DHODH: variants seen among roughly 807,000 people sequenced by gnomAD.
DHODH encodes dihydroorotate dehydrogenase (quinone).
DHODH carries 30 observed loss-of-function variants against 39.7 expected under a neutral mutation model. The ratio of observed to expected loss-of-function variants is 0.76; its 90% CI spans 0.57 to 1.02. DHODH has a LOEUF of 1.02. Among genes scored for constraint, DHODH ranks in the 50% least tolerant of loss-of-function variants. The pLI is 0.00. For missense variants in DHODH, 531 were observed against 520.8 expected, an observed-to-expected ratio of 1.02 and a Z score of -0.19; for synonymous variants, 222 against 213.8, an observed-to-expected ratio of 1.04 and a Z score of -0.34.
intron 3 of DHODH, chr16:72,016,580 G>A (rs1288254722): frequency 6.3e-5 from 18 of 284,230 alleles, no homozygotes; most frequent in Non-Finnish European, 1.2e-4. Flanking sequence ...CTTTGCAGCT[G>A]CGAGCTCTGT....
intron 1 of DHODH, among the ~76,000 whole-genome samples, chr16:72,010,922 C>G (rs1229961713): frequency 6.6e-6 from 1 of 152,028 alleles, no homozygotes; most frequent in Non-Finnish European, 1.5e-5. Flanking sequence ...GACGGGGTCT[C>G]ACTATGTTCC....
At chr16:72,014,344 G>C in intron 2 of DHODH, 129 bp from the exon 3 acceptor site, 1 of 871,126 alleles carries the variant, frequency 1.1e-6, no homozygotes. Context: ...TTGACCTTGG[G>C]GGTGGGCCCT....
intron 3 of DHODH, chr16:72,015,921 A>G (rs1005716891): frequency 2.1e-6 from 2 of 969,978 alleles, no homozygotes; most frequent in Non-Finnish European, 1.2e-6. Flanking sequence ...TATGTGTGCC[A>G]GTGTGTCTGT....
rs2041281572 is a variant in DHODH, at chr16:72,026,982, TGTGTGTGTGTGTGTGTGTGTGTG to T, written c.*2784_*2806del. On this transcript the variant is annotated 3_prime_UTR_variant, in exon 9 of 9. Transcript: ENST00000219240. ...ATTTGTGTGTGTGTGTGTGTGTGTG[TGTGTGTGTGTGTGTGTGTGTGTG>T]TGTGTTTTTGAGATGGAGTCCTGCT... 2 of 148,022 alleles carry T rather than the reference TGTGTGTGTGTGTGTGTGTGTGTG, an allele frequency of 1.4e-5. No individual in the cohort carries two copies. Among genetic ancestry groups the T allele is most frequent in the South Asian group, 2.2e-4 (1 of 4,540 alleles). 9.2% of individuals were successfully genotyped at this position (148,022 alleles called of 1,614,324 possible).
chr16:72,015,997 T>A (rs2041137804), intron 3 of DHODH: 1 of 539,736 alleles, frequency 1.9e-6, no homozygotes, highest in Admixed American at 6.4e-5. Flanking sequence ...ATTATTTTCT[T>A]CTCATAACAG....
intron 1 of DHODH, chr16:72,009,133 T>TC (rs1213113703): frequency 4.2e-6 from 5 of 1,204,236 alleles, no homozygotes; most frequent in Non-Finnish European, 5.2e-6. Flanking sequence ...TAGGACATGC[T>TC]CCCAACCCTT....
At chr16:72,019,918 G>A (rs558940639) in intron 4 of DHODH, among the ~76,000 whole-genome samples, 2 of 152,216 alleles carry the variant, frequency 1.3e-5, no homozygotes, top group Non-Finnish European at 2.9e-5. Flanking sequence ...AAGGCAAGCG[G>A]ATCATTTGAG....
intron 4 of DHODH, among the ~76,000 whole-genome samples, chr16:72,020,207 C>T (rs887616728): frequency 2.0e-5 from 3 of 150,064 alleles, no homozygotes; most frequent in Non-Finnish European, 3.0e-5. Context: ...ATTCAGGGGA[C>T]GGAGGTTGCA....
chr16:72,023,391 T>A, intron 7 of DHODH, 73 bp downstream of exon 7: 1 of 1,613,724 alleles, frequency 6.2e-7, no homozygotes, highest in Non-Finnish European at 8.5e-7. Flanking sequence ...GGAATCATCA[T>A]TCCCTAATCT....
chr16:72,022,903 C>G (rs1214444754), intron 6 of DHODH, among the ~76,000 whole-genome samples: 2 of 152,196 alleles, frequency 1.3e-5, no homozygotes, highest in Non-Finnish European at 2.9e-5. Flanking sequence ...AGACAAGACA[C>G]TGTAATTGGG....
Position 72,024,172 on chromosome 16 carries a change from T to G in DHODH, c.1161T>G (p.Asp387Glu), listed in dbSNP as rs2041254983. Reference protein sequence around the residue: ...LKEQGFGGVTDAIGADHRR With the variant: ...LKEQGFGGVTEAIGADHRR The stretch of plus-strand genomic sequence containing the variant: ...AGCAGGGCTTTGGCGGAGTCACAGA[T>G]GCCATTGGAGCAGATCATCGGAGGT... The change falls in exon 9 of 9, where the codon GAT (aspartate) becomes GAG (glutamate). Residue 387 changes from aspartate to glutamate, a missense_variant. Asp to Glu is a conservative substitution (Grantham distance 45, BLOSUM62 2). Transcript: ENST00000219240. 6.2e-7 allele frequency: 1 copy of G among 1,614,180 alleles called. No homozygotes were observed. Among genetic ancestry groups the G allele is most frequent in the African/African-American group, 1.3e-5 (1 of 75,060 alleles).
chr16:72,019,610 T>C (rs1241751227), intron 4 of DHODH, among the ~76,000 whole-genome samples: 1 of 152,160 alleles, frequency 6.6e-6, no homozygotes, highest in Admixed American at 6.5e-5. Flanking sequence ...CCATTGATAG[T>C]CCTGTGGATT....
chr16:72,009,050 G>T (rs2041052053), intron 1 of DHODH: 4 of 1,409,972 alleles, frequency 2.8e-6, no homozygotes, highest in Non-Finnish European at 3.7e-6. Flanking sequence ...TTTTGAGCCT[G>T]GCACAGGGGT....
Position 72,021,277 on chromosome 16 carries a change from A to C in DHODH, c.671A>C (p.Gln224Pro), listed in dbSNP as rs2041214054. Residue 224 changes from glutamine to proline, a missense_variant, in exon 5 of 9, where the codon CAG (glutamine) becomes CCG (proline). Physicochemically the swap from Gln to Pro is moderately conservative, Grantham distance 76 (BLOSUM62 -1). Transcript: ENST00000219240. Reference sequence around the variant, plus strand: ...AACACTGCCGGGCTGCGGAGCCTTCAGGGAAAGGCCGAGCTGCGCCGCCTG... The same window carrying C: ...AACACTGCCGGGCTGCGGAGCCTTCCGGGAAAGGCCGAGCTGCGCCGCCTG... ...SPNTAGLRSL[Q>P]GKAELRRLLT... is the part of the protein sequence containing the mutation. 1 of 1,611,940 alleles carries C rather than the reference A, an allele frequency of 6.2e-7. No homozygotes were observed. Among genetic ancestry groups the C allele is most frequent in the African/African-American group, 1.3e-5 (1 of 74,896 alleles).
chr16:72,020,329 G>GTATA lies in DHODH; in HGVS notation c.518-773_518-770dup, dbSNP rs60652629. On this transcript the variant is annotated intron_variant, in intron 4 of 8. Transcript: ENST00000219240. ...TATATATATGTGTATATGTATATGT[G>GTATA]TATATATATATATATATATATATAT... 156 of 102,178 alleles carry GTATA rather than the reference G, an allele frequency of 1.5e-3. 3 individuals carry two copies. Among genetic ancestry groups the GTATA allele is most frequent in the African/African-American group, 4.6e-3 (103 of 22,234 alleles). The allele number at this position is 102,178 out of a possible 1,614,324, so 6.3% of individuals were successfully genotyped here.
chr16:72,011,287 T>C (rs2878404), intron 1 of DHODH, among the ~76,000 whole-genome samples: 50,222 of 152,032 alleles, frequency 0.33, 9,015 homozygotes, highest in East Asian at 0.68. Flanking sequence ...CTTGGGAATG[T>C]TCTATGTGAA....
chr16:72,018,009 G>A (rs927769865), intron 4 of DHODH, among the ~76,000 whole-genome samples: 4 of 152,062 alleles, frequency 2.6e-5, no homozygotes, highest in African/African-American at 9.7e-5. Flanking sequence ...TTCCTGACCT[G>A]GTGATCCGCC....
chr16:72,020,329 G>GTATATATATATATATATATA (rs60652629), intron 4 of DHODH: 2 of 102,202 alleles, frequency 2.0e-5, no homozygotes, highest in African/African-American at 9.0e-5. Context: ...ATGTATATGT[G>GTATATATATATATATATATA]TATATATATA....
Position 72,014,639 on chromosome 16 carries a change from T to A in DHODH, c.401T>A (p.Phe134Tyr). ...PQEGNPRPRV[F>Y]RLPEDQAVIN... Reference sequence around the variant, plus strand: ...GAAGGAAACCCTAGACCCAGAGTCTTCCGCCTCCCTGAGGACCAAGCTGTC... The same window carrying A: ...GAAGGAAACCCTAGACCCAGAGTCTACCGCCTCCCTGAGGACCAAGCTGTC... Residue 134 changes from phenylalanine to tyrosine, a missense_variant, in exon 3 of 9, where the codon TTC (phenylalanine) becomes TAC (tyrosine). Coordinates refer to ENST00000219240, the MANE Select transcript of DHODH (RefSeq NM_001361.5). 1.2e-6 allele frequency: 2 copies of A among 1,614,134 alleles called. 1 individual carries two copies. The highest frequency in any genetic ancestry group is 1.7e-6 in the Non-Finnish European group (2 of 1,180,020).
Sources: allele counts gnomAD v4.1 joint callset (sites outside exome capture counted in the v4.1 genomes callset), GRCh38; gene constraint gnomAD v4.1.1; transcripts MANE v1.5; gene names NCBI Gene and HGNC (gene_info 2026-07-23, HGNC 2026-07-21).